Variants in SIMC1 observed in about 807,000 individuals in gnomAD.
The protein encoded by SIMC1 is SUMO interacting motifs containing 1.
Under a neutral mutation model 82.3 loss-of-function variants are expected in SIMC1, and 55 were observed. The observed-to-expected ratio is 0.67, with a 90% CI of 0.54 to 0.84. SIMC1 has a LOEUF of 0.84. SIMC1 is among the 40% of genes least tolerant of loss of function. The probability of loss-of-function intolerance (pLI) is 0.00; values close to 1 mark genes in which losing one functional copy is unlikely to be tolerated. For missense variants in SIMC1, 915 were observed against 1,107.2 expected (o/e 0.83, Z 2.46); for synonymous variants, 353 against 426.3 (o/e 0.83, Z 2.12).
At chr5:176,272,056 A>T (rs1762460162) in intron 1 of SIMC1, among the ~76,000 whole-genome samples, 1 of 147,002 alleles carries the variant, frequency 6.8e-6, no homozygotes, top group Non-Finnish European at 1.5e-5. Context: ...TAGAAAAAAA[A>T]CAAGGGCCAG....
At chr5:176,283,306 T>C (rs1240859060) in intron 1 of SIMC1, among the ~76,000 whole-genome samples, 2 of 152,194 alleles carry the variant, frequency 1.3e-5, no homozygotes, top group Non-Finnish European at 2.9e-5. Flanking sequence ...GGGAAGCCCA[T>C]CAGACTAACA....
chr5:176,305,989 G>A (rs1764352232), intron 4 of SIMC1, among the ~76,000 whole-genome samples: 3 of 67,334 alleles, frequency 4.5e-5, no homozygotes, highest in Non-Finnish European at 6.6e-5. Context: ...AGGTGGGGGG[G>A]TCAGCCCCCC....
intron 1 of SIMC1, among the ~76,000 whole-genome samples, chr5:176,279,316 G>T (rs1438337192): frequency 6.6e-6 from 1 of 152,102 alleles, no homozygotes; most frequent in Non-Finnish European, 1.5e-5. Flanking sequence ...GATTGGTGGT[G>T]ATATCCCCTT....
intron 2 of SIMC1, among the ~76,000 whole-genome samples, chr5:176,292,411 A>G (rs1164024025): frequency 6.6e-6 from 1 of 152,222 alleles, no homozygotes; most frequent in Non-Finnish European, 1.5e-5. Context: ...GCAGTGATCC[A>G]GGTAGGCAGG....
At chr5:176,313,888 T>G (rs1330528415) in intron 5 of SIMC1, 43 bp downstream of exon 5, 2 of 1,607,422 alleles carry the variant, frequency 1.2e-6, no homozygotes, top group Non-Finnish European at 1.7e-6. Flanking sequence ...AGGTAAGGGA[T>G]TATAGGTGGG....
chr5:176,337,019 T>C (rs1315695582), intron 8 of SIMC1, 43 bp from the exon 9 acceptor site: 1 of 1,605,992 alleles, frequency 6.2e-7, no homozygotes, highest in Admixed American at 1.7e-5. Flanking sequence ...AAATTTTAAC[T>C]GGGGAAGGCA....
rs368676504 is a variant in SIMC1 at position 176,292,475 on chromosome 5, T to TAA, written c.1431+1523_1431+1524dup. ...GGAGAATGATTTTTTTTCTCTTTTT[T>TAA]AAAATTATTACATCTTCTAATATGT... is the stretch of plus-strand genomic sequence containing the variant. On this transcript the variant is annotated intron_variant, in intron 2 of 9. Coordinates refer to ENST00000429602, the MANE Select transcript of SIMC1 (RefSeq NM_001308195.2). Among the ~76,000 whole-genome samples, 213 of 152,298 alleles carry TAA rather than the reference T, an allele frequency of 1.4e-3. 1 individual carries two copies. The highest frequency in any genetic ancestry group is 4.9e-3 in the African/African-American group (205 of 41,554).
At position 176,313,758 on chromosome 5, in the gene SIMC1, A is replaced by G; in HGVS notation, c.1802A>G (p.Gln601Arg). 1 of 1,614,026 alleles carries G rather than the reference A, an allele frequency of 6.2e-7. No individual in the cohort carries two copies. The highest frequency in any genetic ancestry group is 1.1e-5 in the South Asian group (1 of 91,086). ...GTTCAGACCCTAGAAGATGACTTTC[A>G]GCAGACCCTGAGGAGGCAACGGCAG... ...YVVQTLEDDFQQTLRRQRQHL... is the reference protein window; with the variant it reads ...YVVQTLEDDFRQTLRRQRQHL... The change falls in exon 5 of 10, where the codon CAG (glutamine) becomes CGG (arginine). Residue 601 changes from glutamine to arginine, a missense_variant. This residue lies in a region of SIMC1 where 902 missense variants were observed against 1,040.3 expected (regional missense o/e 0.87). Transcript: ENST00000429602.
intron 1 of SIMC1, among the ~76,000 whole-genome samples, chr5:176,288,644 T>C (rs1324960479): frequency 5.3e-5 from 8 of 152,158 alleles, no homozygotes; most frequent in Non-Finnish European, 1.2e-4. Context: ...GCAATCCCTA[T>C]TCCAGGATGC....
At chr5:176,247,480 G>A (rs915133914) in intron 1 of SIMC1, among the ~76,000 whole-genome samples, 3 of 151,750 alleles carry the variant, frequency 2.0e-5, no homozygotes, top group African/African-American at 7.3e-5. Context: ...GTAAATTTGT[G>A]TAAGTTCCTT....
intron 3 of SIMC1, 79 bp from the exon 4 acceptor site, chr5:176,296,172 T>G (rs1763805789): frequency 1.9e-6 from 3 of 1,597,464 alleles, no homozygotes; most frequent in Non-Finnish European, 2.6e-6. Context: ...AAGAGGCTTC[T>G]TCCTTCTATC....
At chr5:176,285,779 C>T (rs1581254304) in intron 1 of SIMC1, among the ~76,000 whole-genome samples, 1 of 152,198 alleles carries the variant, frequency 6.6e-6, no homozygotes, top group East Asian at 1.9e-4. Context: ...TGATAAGCAA[C>T]TTCAGCAAAG....
chr5:176,318,549 A>C (rs1765014429), intron 5 of SIMC1, among the ~76,000 whole-genome samples: 1 of 152,288 alleles, frequency 6.6e-6, no homozygotes, highest in Non-Finnish European at 1.5e-5. Flanking sequence ...AATGCTTTTC[A>C]AGACTGGATG....
At chr5:176,257,448 C>T (rs767527663) in intron 1 of SIMC1, among the ~76,000 whole-genome samples, 10 of 152,138 alleles carry the variant, frequency 6.6e-5, no homozygotes, top group Non-Finnish European at 1.5e-4. Context: ...AGGAAGCTTA[C>T]AATCATGGTG....
At chr5:176,260,202 C>T (rs2913306) in intron 1 of SIMC1, among the ~76,000 whole-genome samples, 2 of 151,994 alleles carry the variant, frequency 1.3e-5, no homozygotes, top group Non-Finnish European at 2.9e-5. Context: ...TGTTAGAAAA[C>T]CATAATTACT....
chr5:176,303,453 C>CT (rs1227172466), intron 4 of SIMC1, among the ~76,000 whole-genome samples: 1 of 151,682 alleles, frequency 6.6e-6, no homozygotes, highest in East Asian at 1.9e-4. Flanking sequence ...TCCCAAGTAG[C>CT]TGGTATTACA....
At chr5:176,314,618 T>A (rs1420317321) in intron 5 of SIMC1, among the ~76,000 whole-genome samples, 1 of 152,190 alleles carries the variant, frequency 6.6e-6, no homozygotes, top group Admixed American at 6.5e-5. Context: ...CATGTGTTCT[T>A]TTTTGCAGAA....
chr5:176,255,734 A>G (rs1454056337), intron 1 of SIMC1, among the ~76,000 whole-genome samples: 1 of 149,714 alleles, frequency 6.7e-6, no homozygotes, highest in African/African-American at 2.4e-5. Flanking sequence ...AAAAAAAAAA[A>G]GAAAAGAAAA....
chr5:176,313,399 T>A, intron 4 of SIMC1: 1 of 1,541,468 alleles, frequency 6.5e-7, no homozygotes, highest in Middle Eastern at 1.7e-4. Context: ...GCAGCTTAGG[T>A]GTTAGAAAAT....
Sources: gnomAD v4.1 joint callset for allele counts (sites outside exome capture counted in the v4.1 genomes callset) on GRCh38, gnomAD v4.1.1 for gene constraint, gnomAD v4.1.1 regional missense constraint, MANE v1.5 for transcripts, NCBI Gene and HGNC (gene_info 2026-07-23, HGNC 2026-07-21) for gene names.